Variants in CADM1 observed in about 807,000 individuals in gnomAD.
CADM1 encodes TSLC-1.
In CADM1, 15 loss-of-function variants were observed where a neutral mutation model predicts 53.1. The ratio of observed to expected loss-of-function variants is 0.28; its 90% CI spans 0.19 to 0.44. CADM1 has a LOEUF of 0.44. CADM1 is among the 20% of genes least tolerant of loss of function. The pLI, the probability that CADM1 is intolerant of heterozygous loss-of-function variation, is 1.00. For synonymous variants in CADM1, 281 were observed against 243.0 expected (o/e 1.16, Z -1.45); for missense variants, 434 against 611.3 (o/e 0.71, Z 3.06).
At chr11:115,328,999 C>G (rs1471438216) in intron 1 of CADM1, among the ~76,000 whole-genome samples, 3 of 150,642 alleles carry the variant, frequency 2.0e-5, no homozygotes, top group Non-Finnish European at 4.4e-5. Flanking sequence ...TTTAATAAAC[C>G]TTCAATAAAT....
At chr11:115,252,391 C>A (rs1288912352) in intron 1 of CADM1, among the ~76,000 whole-genome samples, 1 of 152,204 alleles carries the variant, frequency 6.6e-6, no homozygotes, top group African/African-American at 2.4e-5. Context: ...TTCTTATGAT[C>A]TTCCATAATC....
chr11:115,339,968 C>T (rs921620900), intron 1 of CADM1: 2 of 151,930 alleles, frequency 1.3e-5, no homozygotes, highest in African/African-American at 4.8e-5. Flanking sequence ...CTTTTGTTTC[C>T]AATAAGATCA....
At chr11:115,499,702 T>G (rs1356706564) in intron 1 of CADM1, among the ~76,000 whole-genome samples, 1 of 152,244 alleles carries the variant, frequency 6.6e-6, no homozygotes, top group Admixed American at 6.5e-5. Context: ...CAGAGTAAGA[T>G]TCTTCCCTCC....
intron 1 of CADM1, among the ~76,000 whole-genome samples, chr11:115,328,725 T>TGTATATACATATATACGC (rs1945046192): frequency 8.8e-6 from 1 of 114,160 alleles, no homozygotes; most frequent in Admixed American, 1.1e-4. Flanking sequence ...TGTATATATA[T>TGTATATACATATATACGC]GTATATACAT....
intron 1 of CADM1, among the ~76,000 whole-genome samples, chr11:115,362,012 T>G (rs1371675299): frequency 3.9e-5 from 6 of 152,156 alleles, no homozygotes; most frequent in African/African-American, 1.4e-4. Flanking sequence ...AGTGCTGGGA[T>G]TACAGGCGAG....
chr11:115,372,281 C>T (rs1946327289), intron 1 of CADM1, among the ~76,000 whole-genome samples: 1 of 152,174 alleles, frequency 6.6e-6, no homozygotes, highest in African/African-American at 2.4e-5. Context: ...ACTAAATTAA[C>T]AGAATTCTCA....
chr11:115,169,380 C>T lies in CADM1; in HGVS notation c.*7094G>A, dbSNP rs375445452. Reference sequence around the variant, plus strand: ...TCCATAAACTGTCTTAAGCATCTCCCGGGCTACATTTCTGGCTGTGTTAAG... The same window carrying T: ...TCCATAAACTGTCTTAAGCATCTCCTGGGCTACATTTCTGGCTGTGTTAAG... On this transcript the variant is annotated 3_prime_UTR_variant, in exon 12 of 12. Transcript: ENST00000331581. The T allele has an allele frequency of 1.2e-5, 4 of 343,152 alleles. No individual in the cohort carries two copies. Among genetic ancestry groups the T allele is most frequent in the Admixed American group, 8.2e-5 (2 of 24,528 alleles). 21.3% of individuals were successfully genotyped at this position (343,152 alleles called of 1,614,324 possible). A position where few individuals can be genotyped will look rare whatever the true frequency, so the allele number is the denominator to read the frequency against.
chr11:115,311,141 A>G (rs1036010721), intron 1 of CADM1, among the ~76,000 whole-genome samples: 1 of 152,208 alleles, frequency 6.6e-6, no homozygotes, highest in African/African-American at 2.4e-5. Flanking sequence ...AGTTCTAGTC[A>G]TGGTAATGAA....
At chr11:115,244,266 C>T (rs1224755710) in intron 1 of CADM1, among the ~76,000 whole-genome samples, 1 of 152,162 alleles carries the variant, frequency 6.6e-6, no homozygotes, top group Non-Finnish European at 1.5e-5. Context: ...GGGGGTGCAG[C>T]GGGCACATAA....
intron 1 of CADM1, among the ~76,000 whole-genome samples, chr11:115,244,904 T>A (rs1428982843): frequency 1.3e-5 from 2 of 152,224 alleles, no homozygotes; most frequent in African/African-American, 4.8e-5. Context: ...ACTCTGCCCC[T>A]AGAGAAAGCC....
intron 1 of CADM1, chr11:115,397,284 T>C (rs564308383): frequency 1.3e-5 from 2 of 152,280 alleles, no homozygotes; most frequent in South Asian, 2.1e-4. Flanking sequence ...TGGTAACTAA[T>C]GGGTAATACA....
chr11:115,334,767 C>T (rs1205808644), intron 1 of CADM1, among the ~76,000 whole-genome samples: 1 of 152,076 alleles, frequency 6.6e-6, no homozygotes, highest in Non-Finnish European at 1.5e-5. Flanking sequence ...AGTAAATACA[C>T]ATTCGAGTAG....
intron 1 of CADM1, among the ~76,000 whole-genome samples, chr11:115,482,786 A>G (rs989707356): frequency 5.9e-5 from 9 of 152,212 alleles, no homozygotes; most frequent in African/African-American, 1.9e-4. Context: ...GTTTTGGCAT[A>G]TATGCATTTC....
intron 1 of CADM1, among the ~76,000 whole-genome samples, chr11:115,387,385 G>T (rs1591769050): frequency 6.6e-6 from 1 of 152,062 alleles, no homozygotes; most frequent in South Asian, 2.1e-4. Flanking sequence ...ACCTAAAATT[G>T]AAAGGAAAAT....
intron 1 of CADM1, among the ~76,000 whole-genome samples, chr11:115,266,586 C>A (rs1304829474): frequency 2.6e-5 from 4 of 152,220 alleles, no homozygotes; most frequent in Non-Finnish European, 5.9e-5. Flanking sequence ...TGCCAGCCAA[C>A]AAATAGCAAT....
chr11:115,182,293 G>A (rs1039432595), intron 10 of CADM1, among the ~76,000 whole-genome samples: 5 of 152,172 alleles, frequency 3.3e-5, no homozygotes, highest in Non-Finnish European at 7.3e-5. Context: ...TCAGGCATAT[G>A]GACATCACTT....
At chr11:115,218,919 C>CAT (rs1206883375) in intron 5 of CADM1, among the ~76,000 whole-genome samples, 6 of 152,248 alleles carry the variant, frequency 3.9e-5, no homozygotes, top group African/African-American at 1.2e-4. Flanking sequence ...TTGGAATTAA[C>CAT]ATAGATACAC....
chr11:115,452,312 C>A (rs1416878048), intron 1 of CADM1, among the ~76,000 whole-genome samples: 2 of 152,084 alleles, frequency 1.3e-5, no homozygotes, highest in Non-Finnish European at 2.9e-5. Flanking sequence ...AGTCTCCTAG[C>A]CCAGAACCTA....
chr11:115,471,975 T>C (rs1017030058), intron 1 of CADM1, among the ~76,000 whole-genome samples: 7 of 152,098 alleles, frequency 4.6e-5, no homozygotes, highest in Non-Finnish European at 7.4e-5. Context: ...CAAGGGGCCA[T>C]GGCAGGCACT....
Sources: gnomAD v4.1 joint callset for allele counts (sites outside exome capture counted in the v4.1 genomes callset) on GRCh38, gnomAD v4.1.1 for gene constraint, MANE v1.5 for transcripts, NCBI Gene and HGNC (gene_info 2026-07-23, HGNC 2026-07-21) for gene names.